Variants in SUGCT observed in about 807,000 individuals in gnomAD.
SUGCT encodes the protein succinyl-CoA:glutarate CoA-transferase.
SUGCT carries 41 observed loss-of-function variants against 55.0 expected under a neutral mutation model. The ratio of observed to expected loss-of-function variants is 0.74; its 90% CI spans 0.58 to 0.97. The LOEUF is 0.97. Ranked by LOEUF, SUGCT falls within the 50% of genes least tolerant of loss-of-function variation. The pLI is 0.00. For synonymous variants in SUGCT, 187 were observed against 200.4 expected (o/e 0.93, Z 0.56); for missense variants, 568 against 547.8 (o/e 1.04, Z -0.37).
At chr7:40,462,569 G>T (rs76788729) in intron 11 of SUGCT, among the ~76,000 whole-genome samples, 3,035 of 152,212 alleles carry the variant, frequency 0.02, 93 homozygotes, top group African/African-American at 0.07. Flanking sequence ...TTTCAGCAAC[G>T]TGGAGTCAGG....
Position 40,565,922 on chromosome 7 carries a change from T to C in SUGCT, c.1089+69536T>C, listed in dbSNP as rs563524914. Among the ~76,000 whole-genome samples, 3 of 152,044 alleles carry C rather than the reference T, an allele frequency of 2.0e-5. No homozygotes were observed. In the South Asian group the frequency reaches 6.2e-4, roughly 32 times the overall value. ...ACAGAGAGGTTTCTCTTGATCACTC[T>C]CTTTCCTTGCTTAATTTTCTTCGTA... On this transcript the variant is annotated intron_variant, in intron 12 of 13. Transcript: ENST00000335693.
Position 40,860,319 on chromosome 7 carries a change from C to G in SUGCT, c.1157C>G (p.Pro386Arg), listed in dbSNP as rs1794431275. The G allele has an allele frequency of 6.2e-7, 1 of 1,613,836 alleles. No individual in the cohort carries two copies. Among genetic ancestry groups the G allele is most frequent in the African/African-American group, 1.3e-5 (1 of 74,924 alleles). The change falls in exon 14 of 14, where the codon CCA becomes CGA. Residue 386 changes from proline (P) to arginine (R), a missense_variant. Physicochemically the swap from Pro to Arg is moderately radical, Grantham distance 103 (BLOSUM62 -2). Transcript: ENST00000335693. ...TGCTTTCCTTCTCCTTTGGCAGGCC[C>G]AGCTGTGAGATACAGTAAGTTCAAG... Reference protein sequence around the residue: ...PTVGKISVPGPAVRYSKFKMS... With the variant: ...PTVGKISVPGRAVRYSKFKMS...
intron 9 of SUGCT, among the ~76,000 whole-genome samples, chr7:40,403,778 A>G (rs757083950): frequency 1.3e-5 from 2 of 152,158 alleles, no homozygotes; most frequent in Non-Finnish European, 2.9e-5. Context: ...ATGCAGTTTG[A>G]TGGCAAGCAT....
intron 13 of SUGCT, among the ~76,000 whole-genome samples, chr7:40,810,101 T>A (rs1791328380): frequency 6.6e-6 from 1 of 152,108 alleles, no homozygotes; most frequent in Non-Finnish European, 1.5e-5. Flanking sequence ...TGAGCACATC[T>A]GTCTTTTTGG....
At chr7:41,032,068 G>A in the SUGCT span, among the ~76,000 whole-genome samples, 1 of 152,070 alleles carries the variant, frequency 6.6e-6, no homozygotes, top group Admixed American at 6.5e-5. Flanking sequence ...CTAAAAGCTG[G>A]GGGATTATAT....
At chr7:40,844,127 T>C (rs1327745335) in intron 13 of SUGCT, among the ~76,000 whole-genome samples, 1 of 152,062 alleles carries the variant, frequency 6.6e-6, no homozygotes, top group African/African-American at 2.4e-5. Context: ...TTACAATGCT[T>C]TTTTAGCTCT....
At chr7:40,272,492 A>G (rs1792136783) in intron 7 of SUGCT, among the ~76,000 whole-genome samples, 1 of 150,440 alleles carries the variant, frequency 6.6e-6, no homozygotes, top group Admixed American at 6.7e-5. Context: ...TTCTTTATCC[A>G]TTCATCCTTT....
intron 12 of SUGCT, among the ~76,000 whole-genome samples, chr7:40,670,105 T>C (rs1225427940): frequency 7.4e-6 from 1 of 135,806 alleles, no homozygotes; most frequent in African/African-American, 2.8e-5. Context: ...AGCTTTCTCA[T>C]CAGACATCAT....
At chr7:40,948,161 C>A in the SUGCT span, among the ~76,000 whole-genome samples, 1 of 152,252 alleles carries the variant, frequency 6.6e-6, no homozygotes, top group South Asian at 2.1e-4. Flanking sequence ...GCACAAGTAA[C>A]TAAATGTCAA....
chr7:40,928,288 T>C, the SUGCT span, among the ~76,000 whole-genome samples: 2 of 152,058 alleles, frequency 1.3e-5, no homozygotes. Context: ...ATTAGACATA[T>C]GTTGGAACTT....
intron 12 of SUGCT, among the ~76,000 whole-genome samples, chr7:40,605,927 T>C (rs1798510965): frequency 6.6e-6 from 1 of 151,960 alleles, no homozygotes; most frequent in Admixed American, 6.6e-5. Flanking sequence ...TGGTGAGAGG[T>C]GGGCTAGAGT....
At chr7:40,320,114 G>GT (rs552123827) in intron 9 of SUGCT, among the ~76,000 whole-genome samples, 50 of 33,248 alleles carry the variant, frequency 1.5e-3, no homozygotes, top group African/African-American at 2.4e-3. Flanking sequence ...TTAATTTTTT[G>GT]TTTTTTTTTT....
chr7:40,681,136 AGT>A (rs1784220547), intron 12 of SUGCT, among the ~76,000 whole-genome samples: 1 of 152,092 alleles, frequency 6.6e-6, no homozygotes, highest in Admixed American at 6.6e-5. Flanking sequence ...TCCAGTGATT[AGT>A]GTGTCTTTTT....
intron 9 of SUGCT, among the ~76,000 whole-genome samples, chr7:40,319,619 GA>G (rs1422821015): frequency 2.8e-4 from 42 of 152,124 alleles, no homozygotes; most frequent in African/African-American, 1.0e-3. Context: ...GAAAAGTAGT[GA>G]TTCTTGTTTT....
At chr7:40,530,927 C>G (rs1045774721) in intron 12 of SUGCT, among the ~76,000 whole-genome samples, 1 of 152,116 alleles carries the variant, frequency 6.6e-6, no homozygotes, top group African/African-American at 2.4e-5. Context: ...TTTAGGGTCT[C>G]AAAGAACACA....
intron 13 of SUGCT, among the ~76,000 whole-genome samples, chr7:40,812,613 C>CT (rs373117189): frequency 4.0e-5 from 6 of 151,874 alleles, no homozygotes; most frequent in East Asian, 1.9e-4. Context: ...GATCTTCTCT[C>CT]TTTTTTTTGT....
the SUGCT span, among the ~76,000 whole-genome samples, chr7:41,009,814 G>A: frequency 6.6e-6 from 1 of 152,190 alleles, no homozygotes; most frequent in African/African-American, 2.4e-5. Flanking sequence ...TACCCCAGAT[G>A]TGTTAAGTTT....
intron 13 of SUGCT, among the ~76,000 whole-genome samples, chr7:40,773,218 T>C (rs1447719099): frequency 6.6e-6 from 1 of 150,386 alleles, no homozygotes; most frequent in Non-Finnish European, 1.5e-5. Context: ...AACTTCCACC[T>C]CCTGGGTTCA....
chr7:40,476,903 T>A (rs541293818), intron 11 of SUGCT, among the ~76,000 whole-genome samples: 2 of 152,222 alleles, frequency 1.3e-5, no homozygotes, highest in Admixed American at 1.3e-4. Flanking sequence ...TTCAAGTGAT[T>A]CTCCTGCCTC....
Sources: allele counts gnomAD v4.1 joint callset (sites outside exome capture counted in the v4.1 genomes callset), GRCh38; gene constraint gnomAD v4.1.1; transcripts MANE v1.5; gene names NCBI Gene and HGNC (gene_info 2026-07-23, HGNC 2026-07-21).